DBR1: variants seen among roughly 807,000 people sequenced by gnomAD.
DBR1 encodes the protein debranching RNA lariats 1, also known as lariat debranching enzyme.
In DBR1, 33 loss-of-function variants were observed where a neutral mutation model predicts 45.9. The ratio of observed to expected loss-of-function variants is 0.72; its 90% CI spans 0.55 to 0.96. The LOEUF (loss-of-function observed/expected upper bound fraction) is 0.96, where lower values mean the gene tolerates loss of function less well. Ranked by LOEUF, DBR1 falls within the 40% of genes least tolerant of loss-of-function variation. The probability of loss-of-function intolerance (pLI) is 0.00; values close to 1 mark genes in which losing one functional copy is unlikely to be tolerated. For synonymous variants in DBR1, 235 were observed against 235.9 expected, an observed-to-expected ratio of 1.00 and a Z score of 0.04; for missense variants, 619 against 667.4, an observed-to-expected ratio of 0.93 and a Z score of 0.80.
intron 5 of DBR1, chr3:138,164,291 A>G (rs2042920688): frequency 6.5e-6 from 1 of 154,324 alleles, no homozygotes; most frequent in Non-Finnish European, 1.4e-5. Flanking sequence ...CCAAAAATAG[A>G]TGTGATATAT....
At position 138,163,380 on chromosome 3, in the gene DBR1, T is replaced by A. The variant is rs1331382994; in HGVS notation, c.910A>T (p.Asn304Tyr). 1 of 1,613,908 alleles carries A rather than the reference T, an allele frequency of 6.2e-7. No homozygotes were observed. The highest frequency in any genetic ancestry group is 1.3e-5 in the African/African-American group (1 of 75,044). ...TGCAGGCCATTATTTTCTGGCATAT[T>A]CCACAGGCGCCCAGTCACATTAATA... ...DLINVTGRLW[N>Y]MPENNGLHAR... Residue 304 changes from asparagine (N) to tyrosine (Y), a missense_variant, in exon 7 of 8, where the codon AAT becomes TAT. Asn to Tyr is a moderately radical substitution (Grantham distance 143, BLOSUM62 -2). Transcript: ENST00000260803.
In DBR1 at chr3:138,163,806, T is replaced by C. The variant is rs141555371; in HGVS notation, c.767A>G (p.Lys256Arg). The change falls in exon 6 of 8, where the codon AAA (lysine) becomes AGA (arginine). Residue 256 changes from lysine (K) to arginine (R), a missense_variant. Lys to Arg is a conservative substitution (Grantham distance 26). Coordinates refer to ENST00000260803, the MANE Select transcript of DBR1 (RefSeq NM_016216.4). ...ARATKFLALDKCLPHRDFLQI... is the reference protein window; with the variant it reads ...ARATKFLALDRCLPHRDFLQI... Reference sequence around the variant, plus strand: ...AAGAAAATCTCTATGTGGTAAGCATTTGTCCAAGGCTAAAAATTTGGTTGC... The same window carrying C: ...AAGAAAATCTCTATGTGGTAAGCATCTGTCCAAGGCTAAAAATTTGGTTGC... The C allele has an allele frequency of 4.3e-6, 7 of 1,612,890 alleles. No individual in the cohort carries two copies. Among genetic ancestry groups the C allele is most frequent in the Non-Finnish European group, 5.9e-6 (7 of 1,179,352 alleles).
At chr3:138,165,723 T>C (rs1205187603) in intron 5 of DBR1, among the ~76,000 whole-genome samples, 1 of 150,360 alleles carries the variant, frequency 6.7e-6, no homozygotes, top group East Asian at 2.0e-4. Context: ...AGCAAGACTC[T>C]GTCTCAAAAA....
intron 5 of DBR1, 29 bp from the exon 6 acceptor site, chr3:138,163,887 A>G: frequency 1.3e-6 from 2 of 1,536,692 alleles, no homozygotes; most frequent in Non-Finnish European, 1.8e-6. Context: ...GATTTAAGAA[A>G]GAATGTTAAA....
intron 1 of DBR1, among the ~76,000 whole-genome samples, chr3:138,174,322 T>C (rs1223745504): frequency 2.0e-5 from 3 of 152,036 alleles, no homozygotes; most frequent in Non-Finnish European, 4.4e-5. Context: ...CCCTTTGAAA[T>C]GGATAAGATG....
At chr3:138,173,114 T>C (rs1016304104) in intron 2 of DBR1, among the ~76,000 whole-genome samples, 1 of 149,808 alleles carries the variant, frequency 6.7e-6, no homozygotes, top group African/African-American at 2.4e-5. Flanking sequence ...ATCCAGGAGA[T>C]TGCAATATAA....
chr3:138,163,884 G>C, intron 5 of DBR1, 26 bp from the exon 6 acceptor site: 1 of 1,555,846 alleles, frequency 6.4e-7, no homozygotes. Flanking sequence ...CATGATTTAA[G>C]AAAGAATGTT....
At chr3:138,168,520 C>CAAA (rs1315660239) in intron 4 of DBR1, among the ~76,000 whole-genome samples, 21 of 62,512 alleles carry the variant, frequency 3.4e-4, no homozygotes, top group African/African-American at 8.8e-4. Flanking sequence ...AACTTTGTCT[C>CAAA]AAAAAAAAAA....
Position 138,174,813 on chromosome 3 carries a change from G to C in DBR1, c.-18C>G. The C allele has an allele frequency of 3.7e-6, 6 of 1,605,574 alleles. No individual in the cohort carries two copies. Among genetic ancestry groups the C allele is most frequent in the Non-Finnish European group, 5.1e-6 (6 of 1,177,246 alleles). On this transcript the variant is annotated 5_prime_UTR_variant, in exon 1 of 8. Coordinates refer to ENST00000260803, the MANE Select transcript of DBR1 (RefSeq NM_016216.4). ...ACCCGCATTCTGCCGGCCTGAGGAGGTGAGCGCTGCCTGCAACGCCCTACA... is the reference window on the plus strand; with the variant it reads ...ACCCGCATTCTGCCGGCCTGAGGAGCTGAGCGCTGCCTGCAACGCCCTACA...
chr3:138,161,671 C>G lies in DBR1; in HGVS notation c.*218G>C. The stretch of plus-strand genomic sequence containing the variant: ...GACCAGCCTGGCCAACACGGTGAAA[C>G]CCTGTCATTACTAAAAATGCAAAAA... On this transcript the variant is annotated 3_prime_UTR_variant, in exon 8 of 8. Transcript: ENST00000260803. 2.1e-6 allele frequency: 1 copy of G among 467,358 alleles called. No individual in the cohort carries two copies. Among genetic ancestry groups the G allele is most frequent in the Non-Finnish European group, 3.9e-6 (1 of 255,230 alleles). 29.0% of individuals were successfully genotyped at this position (467,358 alleles called of 1,614,324 possible).
intron 4 of DBR1, among the ~76,000 whole-genome samples, chr3:138,169,097 T>C (rs1041347883): frequency 2.0e-5 from 3 of 152,180 alleles, no homozygotes; most frequent in Non-Finnish European, 2.9e-5. Context: ...AAAGAAACAC[T>C]TGCAAGAATT....
chr3:138,169,278 A>C (rs1241562913), intron 4 of DBR1, among the ~76,000 whole-genome samples: 1 of 152,170 alleles, frequency 6.6e-6, no homozygotes, highest in Non-Finnish European at 1.5e-5. Flanking sequence ...ATAGGGTTTG[A>C]GTGGAGATTA....
In DBR1 at chr3:138,161,846, C is replaced by CA. The variant is rs1559881721; in HGVS notation, c.*42dup. 1.3e-6 allele frequency: 2 copies of CA among 1,526,304 alleles called. No individual in the cohort carries two copies. Among genetic ancestry groups the CA allele is most frequent in the African/African-American group, 2.7e-5 (2 of 73,314 alleles). The allele number at this position is 1,526,304 out of a possible 1,614,324, so 94.5% of individuals were successfully genotyped here. ...AGGTGACAAGAGTGAAACTCCATCT[C>CA]AAAAAAACAAAACAAACACAAAAAC... On this transcript the variant is annotated 3_prime_UTR_variant, in exon 8 of 8. Coordinates refer to ENST00000260803, the MANE Select transcript of DBR1 (RefSeq NM_016216.4).
rs1016651738 is a variant in DBR1 at position 138,171,637 on chromosome 3, T to C, written c.399A>G (p.Arg133=). 8 of 1,610,474 alleles carry C rather than the reference T, an allele frequency of 5.0e-6. No individual in the cohort carries two copies. Among genetic ancestry groups the C allele is most frequent in the Non-Finnish European group, 6.8e-6 (8 of 1,176,970 alleles). ...ISGIFKSHDY[R]KGHFECPPYN... ...AAATAATTCTCAAAACAATACCTTT[T>C]CGATAGTCATGAGATTTAAAGATAC... Residue 133 remains arginine, a synonymous_variant, in exon 3 of 8, where the codon CGA becomes CGG. Transcript: ENST00000260803.
intron 1 of DBR1, among the ~76,000 whole-genome samples, chr3:138,173,898 G>A (rs1349858911): frequency 6.6e-6 from 1 of 151,720 alleles, no homozygotes; most frequent in Non-Finnish European, 1.5e-5. Flanking sequence ...TTAGCTGGGT[G>A]TAATCCCAGC....
At chr3:138,174,128 C>A (rs2042967764) in intron 1 of DBR1, among the ~76,000 whole-genome samples, 1 of 151,758 alleles carries the variant, frequency 6.6e-6, no homozygotes, top group Admixed American at 6.6e-5. Flanking sequence ...TCAATTAAGT[C>A]AAGAACTGTT....
Position 138,163,347 on chromosome 3 carries a change from A to G in DBR1, c.941+2T>C, listed in dbSNP as rs1378735737. The G allele has an allele frequency of 1.2e-6, 2 of 1,612,292 alleles. No homozygotes were observed. Among genetic ancestry groups the G allele is most frequent in the African/African-American group, 2.7e-5 (2 of 74,856 alleles). ...GCAGGTCCTAAATAAAGTCTGACTT[A>G]CCTTGCATGCAGGCCATTATTTTCT... On this transcript the variant is annotated splice_donor_variant, in intron 7 of 7. Transcript: ENST00000260803. LOFTEE classifies it high-confidence loss of function.
At chr3:138,174,520 A>C in intron 1 of DBR1, 79 bp downstream of exon 1, 1 of 1,410,024 alleles carries the variant, frequency 7.1e-7, no homozygotes, top group Middle Eastern at 2.1e-4. Context: ...ACAGGATCTA[A>C]GGGAAACAGG....
intron 4 of DBR1, among the ~76,000 whole-genome samples, chr3:138,168,213 G>A (rs2042939024): frequency 6.6e-6 from 1 of 152,086 alleles, no homozygotes; most frequent in Admixed American, 6.5e-5. Context: ...CTTGAAAAAT[G>A]AAATTAAAAC....
Sources: gnomAD v4.1 joint callset for allele counts (sites outside exome capture counted in the v4.1 genomes callset) on GRCh38, gnomAD v4.1.1 for gene constraint, MANE v1.5 for transcripts, NCBI Gene and HGNC (gene_info 2026-07-23, HGNC 2026-07-21) for gene names.